GASK1A: variants seen among roughly 807,000 people sequenced by gnomAD.
GASK1A encodes golgi associated kinase 1A, also known as Golgi-associated kinase 1A.
In GASK1A, 40 loss-of-function variants were observed where a neutral mutation model predicts 41.2. The ratio of observed to expected loss-of-function variants is 0.97; its 90% confidence interval spans 0.75 to 1.27. GASK1A has a LOEUF of 1.27. Among genes scored for constraint, GASK1A ranks in the 50% most tolerant of loss-of-function variants. The pLI is 0.00. For missense variants in GASK1A, 678 were observed against 745.1 expected, an observed-to-expected ratio of 0.91 and a Z score of 1.05; for synonymous variants, 316 against 307.1, an observed-to-expected ratio of 1.03 and a Z score of -0.30.
At chr3:43,040,345 T>G (rs1032100065) in intron 2 of GASK1A, among the ~76,000 whole-genome samples, 3 of 152,168 alleles carry the variant, frequency 2.0e-5, no homozygotes, top group Admixed American at 2.0e-4. Context: ...AAGGGTCTAT[T>G]TATATGCCAG....
At chr3:42,985,533 C>T (rs1208029040) in intron 1 of GASK1A, among the ~76,000 whole-genome samples, 2 of 146,530 alleles carry the variant, frequency 1.4e-5, no homozygotes, top group African/African-American at 5.1e-5. Context: ...TTTATTGAGG[C>T]TGCCTGTGCA....
chr3:43,026,931 A>G (rs1302703164), intron 1 of GASK1A, among the ~76,000 whole-genome samples: 1 of 152,246 alleles, frequency 6.6e-6, no homozygotes, highest in Non-Finnish European at 1.5e-5. Context: ...CGCCAAGAAA[A>G]GCTGACCCGA....
chr3:42,979,687 G>A (rs1366778578), intron 1 of GASK1A, 42 bp downstream of exon 1: 5 of 1,245,522 alleles, frequency 4.0e-6, no homozygotes, highest in African/African-American at 3.1e-5. Flanking sequence ...AGGGTGGGGC[G>A]ATCACCAGGA....
chr3:42,983,514 T>C (rs2089292116), intron 1 of GASK1A, among the ~76,000 whole-genome samples: 2 of 152,172 alleles, frequency 1.3e-5, no homozygotes, highest in South Asian at 4.1e-4. Context: ...AGCCTGCAGA[T>C]GTTCGTCCAG....
rs1361959347 is a variant in GASK1A, at chr3:42,980,134, G to C, written c.3+489G>C. ...CATTTAATAACTAAATTAACATTGA[G>C]TTAAATTGGCTCTAGTAAGGTTCCA... On this transcript the variant is annotated intron_variant, in intron 1 of 4. Coordinates refer to ENST00000430121, the MANE Select transcript of GASK1A (RefSeq NM_001129908.3). Among the ~76,000 whole-genome samples, 4 of 152,176 alleles carry C rather than the reference G, an allele frequency of 2.6e-5. No individual in the cohort carries two copies. The East Asian group carries it at 5.8e-4, about 22-fold the overall frequency.
chr3:43,049,238 C>T lies in GASK1A; in HGVS notation c.1291-4283C>T, dbSNP rs1244451860. On this transcript the variant is annotated intron_variant, in intron 2 of 4. Coordinates refer to ENST00000430121, the MANE Select transcript of GASK1A (RefSeq NM_001129908.3). The stretch of plus-strand genomic sequence containing the variant: ...AGAGGGAAATTTCTAATGTCTGCAA[C>T]TTACTTTGAAATGCATAAAAAATAA... Among the ~76,000 whole-genome samples the T allele has an allele frequency of 3.3e-5, 5 of 152,012 alleles. No individual in the cohort carries two copies. The East Asian group carries it at 9.6e-4, about 29-fold the overall frequency.
At chr3:43,001,926 A>G (rs1372246554) in intron 1 of GASK1A, among the ~76,000 whole-genome samples, 1 of 152,102 alleles carries the variant, frequency 6.6e-6, no homozygotes, top group Non-Finnish European at 1.5e-5. Flanking sequence ...TCCCACCCGC[A>G]GTTGTGGCTC....
rs2089637753 is a variant in GASK1A at position 43,041,472 on chromosome 3, C to T, written c.1290+7919C>T. On this transcript the variant is annotated intron_variant, in intron 2 of 4. Coordinates refer to ENST00000430121, the MANE Select transcript of GASK1A (RefSeq NM_001129908.3). Reference sequence around the variant, plus strand: ...GTTTTGATTTGCATTTCTCTGATGGCCAGTGATGGTGAGCATTTTTTCATG... The same window carrying T: ...GTTTTGATTTGCATTTCTCTGATGGTCAGTGATGGTGAGCATTTTTTCATG... Among the ~76,000 whole-genome samples the T allele has an allele frequency of 7.2e-5, 11 of 152,292 alleles. No individual in the cohort carries two copies. The South Asian group carries it at 2.3e-3, about 32-fold the overall frequency.
intron 1 of GASK1A, among the ~76,000 whole-genome samples, chr3:43,016,303 A>G (rs2089490859): frequency 6.6e-6 from 1 of 150,578 alleles, no homozygotes; most frequent in Non-Finnish European, 1.5e-5. Context: ...GTGTGAAGCC[A>G]TAGGTAGGGG....
Position 43,037,144 on chromosome 3 carries a change from G to C in GASK1A, c.1290+3591G>C, listed in dbSNP as rs953773773. On this transcript the variant is annotated intron_variant, in intron 2 of 4. Transcript: ENST00000430121. ...TCAAACCAGGCAGCGATTCAGGGCA[G>C]ACCTCCTTATGCTGCTTCAGTGGAA... The C allele has an allele frequency of 1.2e-4, 124 of 992,800 alleles. 1 individual carries two copies. The highest frequency in any genetic ancestry group is 1.6e-4 in the Non-Finnish European group (103 of 645,380). The allele number at this position is 992,800 out of a possible 1,614,324, so 61.5% of individuals were successfully genotyped here. A position where few individuals can be genotyped will look rare whatever the true frequency, so the allele number is the denominator to read the frequency against.
At chr3:43,003,130 A>G (rs192753087) in intron 1 of GASK1A, among the ~76,000 whole-genome samples, 2 of 152,248 alleles carry the variant, frequency 1.3e-5, no homozygotes, top group East Asian at 1.9e-4. Context: ...TGGTCCCATA[A>G]TCCCTTCAGA....
intron 1 of GASK1A, among the ~76,000 whole-genome samples, chr3:43,025,163 A>T (rs1003125811): frequency 6.6e-5 from 10 of 152,300 alleles, no homozygotes; most frequent in South Asian, 2.1e-4. Context: ...TGGCCTGCAG[A>T]GGAGCAGGAG....
intron 1 of GASK1A, among the ~76,000 whole-genome samples, chr3:43,000,657 C>A (rs1447700427): frequency 6.6e-6 from 1 of 152,202 alleles, no homozygotes; most frequent in East Asian, 1.9e-4. Context: ...TGAATAAGAT[C>A]AAGCTTAGGT....
At chr3:43,032,193 C>T in intron 1 of GASK1A, 74 bp from the exon 2 acceptor site, 1 of 1,205,782 alleles carries the variant, frequency 8.3e-7, no homozygotes, top group African/African-American at 1.6e-5. Flanking sequence ...ATTTGCTTAC[C>T]ATCCCCATTG....
chr3:42,981,057 A>T (rs184931655), intron 1 of GASK1A, among the ~76,000 whole-genome samples: 3 of 152,322 alleles, frequency 2.0e-5, no homozygotes, highest in East Asian at 3.9e-4. Flanking sequence ...CCTTCTGCTC[A>T]GGCTGCCTAG....
intron 1 of GASK1A, among the ~76,000 whole-genome samples, chr3:43,022,962 A>G (rs2089529534): frequency 6.6e-6 from 1 of 152,258 alleles, no homozygotes; most frequent in Non-Finnish European, 1.5e-5. Context: ...TCTTATGTCA[A>G]TCAAAGCAAG....
chr3:42,991,665 C>T (rs535394396), intron 1 of GASK1A, among the ~76,000 whole-genome samples: 7 of 152,148 alleles, frequency 4.6e-5, no homozygotes, highest in Non-Finnish European at 1.0e-4. Context: ...CTGGGCCCAG[C>T]GGAGGTGGAG....
chr3:42,985,031 G>A (rs1476255929), intron 1 of GASK1A, among the ~76,000 whole-genome samples: 1 of 152,188 alleles, frequency 6.6e-6, no homozygotes, highest in African/African-American at 2.4e-5. Context: ...GAGCTTCTAA[G>A]TAAGCACATA....
At chr3:43,021,393 C>T (rs1007317883) in intron 1 of GASK1A, among the ~76,000 whole-genome samples, 13 of 152,168 alleles carry the variant, frequency 8.5e-5, no homozygotes, top group Non-Finnish European at 1.9e-4. Flanking sequence ...AGGTGGCTTC[C>T]TCCTGGCTGA....
Sources: allele counts gnomAD v4.1 joint callset (sites outside exome capture counted in the v4.1 genomes callset), GRCh38; gene constraint gnomAD v4.1.1; transcripts MANE v1.5; gene names NCBI Gene and HGNC (gene_info 2026-07-23, HGNC 2026-07-21).